C6: variants seen among roughly 807,000 people sequenced by gnomAD.
C6 encodes the protein complement component C6.
Under a neutral mutation model 112.9 loss-of-function variants are expected in C6, and 101 were observed. That is an observed-to-expected ratio of 0.89 (90% CI 0.76 to 1.06). The LOEUF (loss-of-function observed/expected upper bound fraction) is 1.06. C6 is among the 50% of genes least tolerant of loss of function. C6 has a pLI of 0.00. For synonymous variants in C6, 431 were observed against 384.1 expected, an observed-to-expected ratio of 1.12 and a Z score of -1.43; for missense variants, 1,202 against 1,104.6, an observed-to-expected ratio of 1.09 and a Z score of -1.25.
rs570589728 is a variant in C6 at position 41,149,392 on chromosome 5, TA to T, written c.2471del (p.Leu824Ter). The stretch of plus-strand genomic sequence containing the variant: ...GTAGAAAATGGAGTTGCTGATTATT[TA>T]AACATTTCTCAGCCAAAAACTTACA... The part of the protein sequence containing the change: ...PACKFLAEKC[L>X]NNQQLHFLHI... On this transcript the variant is annotated frameshift_variant, in exon 17 of 18. Transcript: ENST00000337836. LOFTEE classifies it high-confidence loss of function. The T allele has an allele frequency of 6.2e-7, 1 of 1,614,138 alleles. No individual in the cohort carries two copies. The highest frequency in any genetic ancestry group is 1.1e-5 in the South Asian group (1 of 91,082).
At chr5:41,176,834 T>C (rs1167189473) in intron 7 of C6, 119 bp from the exon 8 acceptor site, 4 of 988,484 alleles carry the variant, frequency 4.0e-6, no homozygotes, top group Non-Finnish European at 6.1e-6. Context: ...ACAATAATTC[T>C]CACTCTCTAT....
upstream of C6, chr5:41,213,631 G>C (rs1418095852): frequency 2.5e-6 from 2 of 795,510 alleles, no homozygotes; most frequent in Non-Finnish European, 3.0e-6. Flanking sequence ...CTGGGTGTTG[G>C]ATGTTACACA....
At chr5:41,236,298 C>A in intron 1 of C6, among the ~76,000 whole-genome samples, 1 of 133,186 alleles carries the variant, frequency 7.5e-6, no homozygotes, top group Non-Finnish European at 1.6e-5. Flanking sequence ...CTACATATGG[C>A]TAGCCAGTTT....
At chr5:41,255,042 C>T (rs1741598963) in intron 1 of C6, among the ~76,000 whole-genome samples, 1 of 152,060 alleles carries the variant, frequency 6.6e-6, no homozygotes, top group African/African-American at 2.4e-5. Context: ...CTTTGAGGGG[C>T]CAACTAGAAA....
At chr5:41,182,286 A>T (rs529790746) in intron 6 of C6, among the ~76,000 whole-genome samples, 3 of 148,540 alleles carry the variant, frequency 2.0e-5, no homozygotes, top group Admixed American at 6.7e-5. Flanking sequence ...TTTGCAATTC[A>T]TCATCACACC....
chr5:41,211,498 T>C (rs934938951), intron 1 of C6, among the ~76,000 whole-genome samples: 1 of 152,150 alleles, frequency 6.6e-6, no homozygotes, highest in Non-Finnish European at 1.5e-5. Flanking sequence ...CCACAGGGTA[T>C]TGGGACAATA....
At chr5:41,243,005 G>T (rs1452672108) in intron 1 of C6, among the ~76,000 whole-genome samples, 3 of 152,104 alleles carry the variant, frequency 2.0e-5, no homozygotes, top group Non-Finnish European at 2.9e-5. Flanking sequence ...GATGGGAGGA[G>T]GAATGGGAAG....
Position 41,256,787 on chromosome 5 carries a change from T to C in C6, c.-21+4407A>G, listed in dbSNP as rs7714468. ...CAGATTGAGTCTCTTATTAGACAGATTGAAGGCCAGCCAGCTCCTTGATAA... is the reference window on the plus strand; with the variant it reads ...CAGATTGAGTCTCTTATTAGACAGACTGAAGGCCAGCCAGCTCCTTGATAA... On this transcript the variant is annotated intron_variant, in intron 1 of 17. Transcript: ENST00000263413. 5.6e-3 allele frequency among the ~76,000 whole-genome samples: 860 copies of C among 152,288 alleles called. 9 individuals are homozygous for C. Among genetic ancestry groups the C allele is most frequent in the African/African-American group, 0.02 (817 of 41,552 alleles).
In C6 at chr5:41,160,171, C is replaced by T; in HGVS notation, c.1655G>A (p.Cys552Tyr). Reference sequence around the variant, plus strand: ...TTTATAATCTGGAGACTGTTTCTCACAGTTCTCACCATAGGTGCCACTCTG... The same window carrying T: ...TTTATAATCTGGAGACTGTTTCTCATAGTTCTCACCATAGGTGCCACTCTG... ...VCQSGTYGEN[C>Y]EKQSPDYKSN... is the part of the protein sequence containing the mutation. Residue 552 changes from cysteine (C) to tyrosine (Y), a missense_variant, in exon 11 of 18, where the codon TGT becomes TAT. Cys to Tyr is a radical substitution (Grantham distance 194). Coordinates refer to ENST00000337836, the MANE Select transcript of C6 (RefSeq NM_000065.5). 7 of 1,613,564 alleles carry T rather than the reference C, an allele frequency of 4.3e-6. No individual in the cohort carries two copies. Among genetic ancestry groups the T allele is most frequent in the Non-Finnish European group, 5.1e-6 (6 of 1,179,548 alleles).
intron 4 of C6, among the ~76,000 whole-genome samples, chr5:41,196,673 A>G (rs572010829): frequency 4.0e-5 from 6 of 151,394 alleles, no homozygotes; most frequent in Admixed American, 2.6e-4. Flanking sequence ...CTATTTTACT[A>G]TATATAATTA....
At chr5:41,144,820 G>A (rs1303733562) in intron 17 of C6, among the ~76,000 whole-genome samples, 3 of 152,130 alleles carry the variant, frequency 2.0e-5, no homozygotes, top group African/African-American at 4.8e-5. Context: ...CTGCTTACAA[G>A]TAAGAACACG....
At chr5:41,184,378 G>A (rs1749601495) in intron 6 of C6, among the ~76,000 whole-genome samples, 1 of 152,092 alleles carries the variant, frequency 6.6e-6, no homozygotes, top group African/African-American at 2.4e-5. Flanking sequence ...GACTATAAGA[G>A]CCAGAAGCCA....
In C6 at chr5:41,258,168, G is replaced by C. The variant is rs746497042; in HGVS notation, c.-21+3026C>G. Among the ~76,000 whole-genome samples the C allele has an allele frequency of 2.5e-4, 38 of 152,128 alleles. No homozygotes were observed. The South Asian group carries it at 2.9e-3, about 12-fold the overall frequency. On this transcript the variant is annotated intron_variant, in intron 1 of 17. Coordinates refer to the C6 transcript ENST00000263413. The stretch of plus-strand genomic sequence containing the variant: ...GGTATTATCTAAATGTTGACTTAAA[G>C]CTCTTGTTAATGTATTATGAGGAAA...
intron 1 of C6, among the ~76,000 whole-genome samples, chr5:41,208,712 A>C (rs1561173233): frequency 6.6e-6 from 1 of 152,198 alleles, no homozygotes; most frequent in East Asian, 1.9e-4. Flanking sequence ...CAGGCTCTGA[A>C]ATTGAGGCAA....
At chr5:41,157,819 T>C (rs935242795) in intron 13 of C6, among the ~76,000 whole-genome samples, 1 of 152,144 alleles carries the variant, frequency 6.6e-6, no homozygotes, top group African/African-American at 2.4e-5. Flanking sequence ...TTTTCTAGAG[T>C]AAAGACTAAT....
intron 1 of C6, among the ~76,000 whole-genome samples, chr5:41,231,671 T>G (rs1739907883): frequency 6.6e-6 from 1 of 152,092 alleles, no homozygotes; most frequent in African/African-American, 2.4e-5. Context: ...TTGACATTTA[T>G]TTTTTTAAAG....
At chr5:41,213,634 G>A, upstream of C6, 1 of 739,480 alleles carries the variant, frequency 1.4e-6, no homozygotes, top group Non-Finnish European at 1.7e-6. Flanking sequence ...GGTGTTGGAT[G>A]TTACACAGAG....
chr5:41,213,587 A>G, upstream of C6: 1 of 983,672 alleles, frequency 1.0e-6, no homozygotes, highest in African/African-American at 1.7e-5. Flanking sequence ...GAACTTTGCA[A>G]ATGATTACAC....
chr5:41,199,933 G>T (rs746931524), intron 3 of C6, 21 bp from the exon 4 acceptor site: 3 of 1,613,064 alleles, frequency 1.9e-6, no homozygotes, highest in Non-Finnish European at 2.5e-6. Flanking sequence ...AGAAGAGAAA[G>T]ATATAACTCT....
Sources: allele counts gnomAD v4.1 joint callset (sites outside exome capture counted in the v4.1 genomes callset), GRCh38; gene constraint gnomAD v4.1.1; transcripts MANE v1.5; gene names NCBI Gene and HGNC (gene_info 2026-07-23, HGNC 2026-07-21).